AGBL1: variants seen among roughly 807,000 people sequenced by gnomAD.
AGBL1 encodes the protein cytosolic carboxypeptidase 4.
A neutral mutation model predicts 118.9 loss-of-function variants in AGBL1; 130 were observed. The observed-to-expected ratio is 1.09, with a 90% CI of 0.95 to 1.26. The LOEUF is 1.26. Among genes scored for constraint, AGBL1 ranks in the 50% most tolerant of loss-of-function variants. The pLI is 0.00. For synonymous variants in AGBL1, 555 were observed against 478.9 expected, an observed-to-expected ratio of 1.16 and a Z score of -2.08; for missense variants, 1,584 against 1,298.1, an observed-to-expected ratio of 1.22 and a Z score of -3.38.
At chr15:86,673,252 G>A in intron 21 of AGBL1, among the ~76,000 whole-genome samples, 1 of 152,142 alleles carries the variant, frequency 6.6e-6, no homozygotes, top group East Asian at 1.9e-4. Context: ...ATCACCAGAT[G>A]CTTAGGTATG....
chr15:86,962,576 C>G (rs1567261534), intron 23 of AGBL1, among the ~76,000 whole-genome samples: 1 of 151,812 alleles, frequency 6.6e-6, no homozygotes, highest in Admixed American at 6.6e-5. Context: ...TAAAGCTCTC[C>G]TAGGGAGACA....
intron 22 of AGBL1, among the ~76,000 whole-genome samples, chr15:86,880,146 C>G (rs923665414): frequency 1.3e-5 from 2 of 152,198 alleles, no homozygotes; most frequent in Non-Finnish European, 2.9e-5. Context: ...TCACTATCAT[C>G]AGACAATGGA....
At chr15:86,636,717 A>ATATATATATATG (rs2085095557) in intron 21 of AGBL1, among the ~76,000 whole-genome samples, 1 of 26,660 alleles carries the variant, frequency 3.8e-5, no homozygotes, top group African/African-American at 1.6e-4. Context: ...ATATATATAT[A>ATATATATATATG]TATATATATA....
chr15:86,938,872 C>T (rs2080711417), intron 23 of AGBL1: 1 of 152,124 alleles, frequency 6.6e-6, no homozygotes, highest in Non-Finnish European at 1.5e-5. Flanking sequence ...GAGAACTGCA[C>T]TAAAACAAAA....
intron 17 of AGBL1, among the ~76,000 whole-genome samples, chr15:86,320,674 C>G (rs745430126): frequency 6.6e-6 from 1 of 151,736 alleles, no homozygotes; most frequent in South Asian, 2.1e-4. Flanking sequence ...AAGAAATGCT[C>G]TTAACGTCTT....
intron 17 of AGBL1, among the ~76,000 whole-genome samples, chr15:86,373,500 C>G (rs2141947707): frequency 6.6e-6 from 1 of 152,260 alleles, no homozygotes; most frequent in East Asian, 1.9e-4. Flanking sequence ...TTCTATGTGT[C>G]AGAGATGAAA....
Position 86,735,016 on chromosome 15 carries a change from ATGTTC to A in AGBL1, c.3158+60581_3158+60585del, listed in dbSNP as rs1341921980. On this transcript the variant is annotated intron_variant, in intron 22 of 22. Coordinates refer to ENST00000614907, the MANE Select transcript of AGBL1 (RefSeq NM_001386094.1). Reference sequence around the variant, plus strand: ...TTTTCTTTTGTGCTCATACCTTGATATGTTCATAGGCATCATACTCAGTGTGAAAT... The same window carrying A: ...TTTTCTTTTGTGCTCATACCTTGATAATAGGCATCATACTCAGTGTGAAAT... Among the ~76,000 whole-genome samples, 1,097 of 152,150 alleles carry A rather than the reference ATGTTC, an allele frequency of 7.2e-3. 5 individuals carry two copies. The highest frequency in any genetic ancestry group is 0.022 in the African/African-American group (932 of 41,466).
chr15:86,324,409 G>T (rs1185712217), intron 17 of AGBL1, among the ~76,000 whole-genome samples: 1 of 152,152 alleles, frequency 6.6e-6, no homozygotes, highest in Non-Finnish European at 1.5e-5. Flanking sequence ...TAGACAAAGG[G>T]CCTTCTCTAG....
chr15:86,755,854 G>A (rs2077930942), intron 22 of AGBL1, among the ~76,000 whole-genome samples: 1 of 152,134 alleles, frequency 6.6e-6, no homozygotes, highest in Non-Finnish European at 1.5e-5. Flanking sequence ...GGAAGGATGA[G>A]GTAGTGTTGG....
chr15:86,765,398 T>A (rs2078082737), intron 22 of AGBL1, among the ~76,000 whole-genome samples: 1 of 151,988 alleles, frequency 6.6e-6, no homozygotes, highest in Non-Finnish European at 1.5e-5. Context: ...AACAGACAAC[T>A]ACAATCCCAA....
intron 23 of AGBL1, among the ~76,000 whole-genome samples, chr15:86,949,583 G>A (rs1379016252): frequency 2.0e-5 from 3 of 151,914 alleles, no homozygotes; most frequent in Admixed American, 6.6e-5. Context: ...AAAAAATACT[G>A]CTAAAGAAAA....
chr15:86,754,777 T>C (rs2077911049), intron 22 of AGBL1, among the ~76,000 whole-genome samples: 1 of 152,102 alleles, frequency 6.6e-6, no homozygotes, highest in African/African-American at 2.4e-5. Context: ...CTTTTATCTT[T>C]TTGTGTTCCC....
chr15:86,610,465 G>A (rs933338741), intron 21 of AGBL1, among the ~76,000 whole-genome samples: 4 of 152,216 alleles, frequency 2.6e-5, no homozygotes, highest in African/African-American at 7.2e-5. Flanking sequence ...TTTCTTGGAT[G>A]TGAATGTGGA....
chr15:86,257,595 T>C (rs972033644), intron 8 of AGBL1, among the ~76,000 whole-genome samples: 1 of 152,190 alleles, frequency 6.6e-6, no homozygotes, highest in Admixed American at 6.5e-5. Context: ...TCAATCAAGG[T>C]GATATTTAGG....
chr15:86,888,305 G>C (rs1447809167), intron 22 of AGBL1, among the ~76,000 whole-genome samples: 1 of 151,454 alleles, frequency 6.6e-6, no homozygotes, highest in African/African-American at 2.4e-5. Context: ...CTCATAGAAA[G>C]AGATTAGGCT....
rs1032421048 is a variant in AGBL1 at position 86,262,093 on chromosome 15, T to TTTTTTTTC, written c.970-684_970-683insTTTTTTCT. Among the ~76,000 whole-genome samples the TTTTTTTTC allele has an allele frequency of 7.6e-5, 11 of 145,046 alleles. 1 individual carries two copies. Among genetic ancestry groups the TTTTTTTTC allele is most frequent in the African/African-American group, 2.7e-4 (11 of 40,220 alleles). On this transcript the variant is annotated intron_variant, in intron 9 of 22. Coordinates refer to ENST00000614907, the MANE Select transcript of AGBL1 (RefSeq NM_001386094.1). ...GCATAGCTGGCTTTTTTTTTTTTTT[T>TTTTTTTTC]TGCCATTTAGGTCTCAGTTAAAACT...
At chr15:86,673,091 CATT>C (rs1174484908) in intron 21 of AGBL1, among the ~76,000 whole-genome samples, 2 of 152,012 alleles carry the variant, frequency 1.3e-5, no homozygotes, top group Non-Finnish European at 2.9e-5. Context: ...AAAAATGATT[CATT>C]ATTATTTTTT....
intron 18 of AGBL1, among the ~76,000 whole-genome samples, chr15:86,459,599 C>G (rs2082304688): frequency 6.6e-6 from 1 of 152,006 alleles, no homozygotes; most frequent in Non-Finnish European, 1.5e-5. Context: ...AGTCTTGATT[C>G]TGTTATATGA....
At chr15:86,111,220 G>A (rs1897360905) in intron 1 of AGBL1, among the ~76,000 whole-genome samples, 1 of 152,208 alleles carries the variant, frequency 6.6e-6, no homozygotes, top group Non-Finnish European at 1.5e-5. Context: ...TTTACCTCTT[G>A]GCCTTTGATT....
Sources: allele counts gnomAD v4.1 joint callset (sites outside exome capture counted in the v4.1 genomes callset), GRCh38; gene constraint gnomAD v4.1.1; transcripts MANE v1.5; gene names NCBI Gene and HGNC (gene_info 2026-07-23, HGNC 2026-07-21).